CACNA1I: variants seen among roughly 807,000 people sequenced by gnomAD.
CACNA1I encodes calcium voltage-gated channel subunit alpha1 I.
CACNA1I carries 74 observed loss-of-function variants against 201.6 expected under a neutral mutation model. That is an observed-to-expected ratio of 0.37 (90% confidence interval 0.30 to 0.45). The LOEUF (loss-of-function observed/expected upper bound fraction) is 0.45, where lower values mean the gene tolerates loss of function less well. Ranked by LOEUF, CACNA1I falls within the 20% of genes least tolerant of loss-of-function variation. The pLI is 1.00. For missense variants in CACNA1I, 2,346 were observed against 3,138.1 expected (o/e 0.75, Z 6.03); for synonymous variants, 1,431 against 1,345.2 (o/e 1.06, Z -1.40).
chr22:39,667,762 A>G (rs1935243171), intron 23 of CACNA1I, among the ~76,000 whole-genome samples: 1 of 152,156 alleles, frequency 6.6e-6, no homozygotes, highest in Non-Finnish European at 1.5e-5. Flanking sequence ...GCCCATAGAC[A>G]TCAAGGAACT....
chr22:39,653,728 G>A (rs1338640830), intron 10 of CACNA1I, among the ~76,000 whole-genome samples: 1 of 152,214 alleles, frequency 6.6e-6, no homozygotes, highest in Non-Finnish European at 1.5e-5. Context: ...TTGAATGACA[G>A]GTTAGATTGC....
At chr22:39,654,258 A>G (rs1011875356) in intron 10 of CACNA1I, among the ~76,000 whole-genome samples, 2 of 152,206 alleles carry the variant, frequency 1.3e-5, no homozygotes. Flanking sequence ...CATTGCTCCT[A>G]GGAGCAGTGT....
At position 39,634,129 on chromosome 22, in the gene CACNA1I, C is replaced by G. The variant is rs117655323; in HGVS notation, c.581-436C>G. ...TTGTGTCAAGACACCTGGTTTAAAT[C>G]TAGACCCTGCTGCTTCTGAGCTGTG... is the stretch of plus-strand genomic sequence containing the variant. On this transcript the variant is annotated intron_variant, in intron 4 of 36. Coordinates refer to ENST00000402142, the MANE Select transcript of CACNA1I (RefSeq NM_021096.4). Among the ~76,000 whole-genome samples the G allele has an allele frequency of 4.5e-4, 68 of 152,322 alleles. No individual in the cohort carries two copies. The East Asian group carries it at 0.013, about 28-fold the overall frequency.
intron 3 of CACNA1I, among the ~76,000 whole-genome samples, chr22:39,615,451 G>A (rs961716813): frequency 6.6e-6 from 1 of 152,138 alleles, no homozygotes; most frequent in Non-Finnish European, 1.5e-5. Flanking sequence ...TGCCACTGTC[G>A]GGACAGAGGG....
chr22:39,641,248 C>T, intron 6 of CACNA1I, 66 bp downstream of exon 6: 3 of 1,410,200 alleles, frequency 2.1e-6, no homozygotes, highest in Non-Finnish European at 3.0e-6. Context: ...GTGGGCAGGG[C>T]TCTGTGCTAG....
intron 35 of CACNA1I, 46 bp downstream of exon 35, chr22:39,682,707 G>T: frequency 6.4e-7 from 1 of 1,559,288 alleles, no homozygotes; most frequent in Non-Finnish European, 8.7e-7. Context: ...CTCATCTTGG[G>T]CATCTGCTTC....
chr22:39,617,287 T>A (rs2084471023), intron 3 of CACNA1I, among the ~76,000 whole-genome samples: 1 of 152,204 alleles, frequency 6.6e-6, no homozygotes, highest in Non-Finnish European at 1.5e-5. Flanking sequence ...CCCTCTGGGC[T>A]CTGGGAAGGC....
At position 39,679,105 on chromosome 22, in the gene CACNA1I, A is replaced by G; in HGVS notation, c.5056-2A>G. The G allele has an allele frequency of 6.3e-7, 1 of 1,580,672 alleles. No homozygotes were observed. Among genetic ancestry groups the G allele is most frequent in the African/African-American group, 1.4e-5 (1 of 73,960 alleles). The stretch of plus-strand genomic sequence containing the variant: ...ATCCTCACCGCCCTCCCTGCCACGC[A>G]GGACACGCTGCGGGACTGCACCCAC... On this transcript the variant is annotated splice_acceptor_variant, in intron 31 of 36. Coordinates refer to ENST00000402142, the MANE Select transcript of CACNA1I (RefSeq NM_021096.4). LOFTEE classifies it high-confidence loss of function.
rs987545457 is a variant in CACNA1I at position 39,680,918 on chromosome 22, C to T, written c.5542-12C>T. The T allele has an allele frequency of 8.7e-6, 14 of 1,606,082 alleles. No homozygotes were observed. The highest frequency in any genetic ancestry group is 1.1e-5 in the South Asian group (1 of 90,194). ...AACCTGGGTGACCCGAGGCCACCCC[C>T]TCTTCCTGCAGGTGCAGCTGGCTGA... is the stretch of plus-strand genomic sequence containing the variant. On this transcript the variant is annotated splice_polypyrimidine_tract_variant and intron_variant, in intron 33 of 36. Transcript: ENST00000402142.
intron 35 of CACNA1I, among the ~76,000 whole-genome samples, 153 bp downstream of exon 35, chr22:39,682,814 A>G (rs1294320632): frequency 6.6e-6 from 1 of 152,082 alleles, no homozygotes; most frequent in African/African-American, 2.4e-5. Context: ...TGAGAGATAG[A>G]CTCTCAGGCC....
rs1246983537 is a variant in CACNA1I at position 39,649,603 on chromosome 22, A to G, written c.1670A>G (p.Gln557Arg). 1.3e-6 allele frequency: 2 copies of G among 1,541,468 alleles called. No individual in the cohort carries two copies. Among genetic ancestry groups the G allele is most frequent in the Non-Finnish European group, 1.8e-6 (2 of 1,142,652 alleles). ...ASDPASCPCC[Q>R]HEDGRRPSGL... ...GATCCCGCCAGCTGCCCTTGCTGCC[A>G]GCATGAGGACGGCCGGCGGCCCTCG... The change falls in exon 10 of 37, where the codon CAG becomes CGG. Residue 557 changes from glutamine (Q) to arginine (R), a missense_variant. Gln to Arg is a conservative substitution (Grantham distance 43). Transcript: ENST00000402142. The surrounding 1 kb of genome is among the most constrained non-coding windows in gnomAD (Gnocchi z 7.3).
In CACNA1I at chr22:39,617,436, G is replaced by A. The variant is rs1241110882; in HGVS notation, c.483-1874G>A. Among the ~76,000 whole-genome samples, 5 of 150,952 alleles carry A rather than the reference G, an allele frequency of 3.3e-5. No homozygotes were observed. In the East Asian group the frequency reaches 1.0e-3, roughly 31 times the overall value. On this transcript the variant is annotated intron_variant, in intron 3 of 36. Transcript: ENST00000402142. ...CCCCACCCCGCCCCCCACAGGATCT[G>A]GAGAACCAAGGCAGGAGAAAGAGAG...
chr22:39,584,445 C>A (rs1021349575), intron 1 of CACNA1I, among the ~76,000 whole-genome samples: 19 of 152,118 alleles, frequency 1.2e-4, no homozygotes, highest in Non-Finnish European at 2.9e-5. Flanking sequence ...ATCTGGGAGG[C>A]CTGGTGCTCA....
intron 1 of CACNA1I, among the ~76,000 whole-genome samples, chr22:39,593,931 G>T (rs1932851084): frequency 6.6e-6 from 1 of 152,228 alleles, no homozygotes; most frequent in Non-Finnish European, 1.5e-5. Flanking sequence ...GCAAGTGCCT[G>T]GTTATCGTGT....
chr22:39,669,953 C>T, intron 24 of CACNA1I, 85 bp from the exon 25 acceptor site: 1 of 1,492,796 alleles, frequency 6.7e-7, no homozygotes. Context: ...ATGCCCACTC[C>T]ATGGAGGCTC....
Position 39,662,302 on chromosome 22 carries a change from C to A in CACNA1I, c.3239C>A (p.Ala1080Asp). Residue 1080 changes from alanine to aspartate, a missense_variant, in exon 17 of 37, where the codon GCC becomes GAC. Transcript: ENST00000402142. ...LVPAVGAHPR[A>D]AWRAAGPAPG... is the part of the protein sequence containing the mutation. Reference sequence around the variant, plus strand: ...CCCGCGGTGGGCGCCCACCCCCGGGCCGCCTGGAGGGCGGCAGGCCCGGCC... The same window carrying A: ...CCCGCGGTGGGCGCCCACCCCCGGGACGCCTGGAGGGCGGCAGGCCCGGCC... 6.7e-7 allele frequency: 1 copy of A among 1,496,744 alleles called. No individual in the cohort carries two copies. Among genetic ancestry groups the A allele is most frequent in the South Asian group, 1.3e-5 (1 of 78,152 alleles). The allele number at this position is 1,496,744 out of a possible 1,614,324, so 92.7% of individuals were successfully genotyped here.
chr22:39,669,905 AG>A, intron 24 of CACNA1I, 132 bp from the exon 25 acceptor site: 1 of 946,912 alleles, frequency 1.1e-6, no homozygotes, highest in Non-Finnish European at 1.7e-6. Flanking sequence ...TGCCTCATTT[AG>A]ACCTCACAGC....
chr22:39,626,922 T>C lies in CACNA1I; in HGVS notation c.580+7515T>C, dbSNP rs536406093. On this transcript the variant is annotated intron_variant, in intron 4 of 36. Coordinates refer to ENST00000402142, the MANE Select transcript of CACNA1I (RefSeq NM_021096.4). ...ATGGGCAGTGTCATTTCATCTTCAC[T>C]ACAGCTTTAGGAAGTTAGTGGCATT... is the stretch of plus-strand genomic sequence containing the variant. Among the ~76,000 whole-genome samples the C allele has an allele frequency of 3.3e-5, 5 of 152,320 alleles. No individual in the cohort carries two copies. The South Asian group carries it at 1.0e-3, about 32-fold the overall frequency.
Position 39,684,206 on chromosome 22 carries a change from G to A in CACNA1I, c.5831-96G>A. 1 of 1,031,968 alleles carries A rather than the reference G, an allele frequency of 9.7e-7. No individual in the cohort carries two copies. Among genetic ancestry groups the A allele is most frequent in the African/African-American group, 1.6e-5 (1 of 63,170 alleles). The allele number at this position is 1,031,968 out of a possible 1,614,324, so 63.9% of individuals were successfully genotyped here. On this transcript the variant is annotated intron_variant, in intron 35 of 36. Transcript: ENST00000402142. The surrounding 1 kb of genome is among the most constrained non-coding windows in gnomAD (Gnocchi z 4.6). Reference sequence around the variant, plus strand: ...TCAGTTTATTAGGTGGCCCCTCACTGCTGGCCCAGTGAGATTGGTGCTCAA... The same window carrying A: ...TCAGTTTATTAGGTGGCCCCTCACTACTGGCCCAGTGAGATTGGTGCTCAA...
Sources: allele counts gnomAD v4.1 joint callset (sites outside exome capture counted in the v4.1 genomes callset), GRCh38; gene constraint gnomAD v4.1.1; non-coding constraint Gnocchi (gnomAD v3.1); transcripts MANE v1.5; gene names NCBI Gene and HGNC (gene_info 2026-07-23, HGNC 2026-07-21).